CCDC88C: variants seen among roughly 807,000 people sequenced by gnomAD.
CCDC88C encodes protein Daple.
Under a neutral mutation model 198.8 loss-of-function variants are expected in CCDC88C, and 131 were observed. The observed-to-expected ratio is 0.66, with a 90% CI of 0.57 to 0.76. CCDC88C has a LOEUF of 0.76. Ranked by LOEUF, CCDC88C falls within the 30% of genes least tolerant of loss-of-function variation. The pLI, the probability that CCDC88C is intolerant of heterozygous loss-of-function variation, is 0.00. For missense variants in CCDC88C, 2,553 were observed against 2,631.6 expected (o/e 0.97, Z 0.65); for synonymous variants, 1,166 against 1,114.7 (o/e 1.05, Z -0.92).
intron 1 of CCDC88C, 33 bp downstream of exon 1, chr14:91,417,598 C>A: frequency 6.4e-7 from 1 of 1,571,200 alleles, no homozygotes; most frequent in Non-Finnish European, 8.6e-7. Flanking sequence ...AGCCGGTGCA[C>A]CAACAAAGGG....
chr14:91,339,741 TA>T lies in CCDC88C; in HGVS notation c.624+142del. 1 of 1,071,474 alleles carries T rather than the reference TA, an allele frequency of 9.3e-7. No homozygotes were observed. The highest frequency in any genetic ancestry group is 1.3e-6 in the Non-Finnish European group (1 of 767,634). 66.4% of individuals were successfully genotyped at this position (1,071,474 alleles called of 1,614,324 possible). On this transcript the variant is annotated intron_variant, in intron 7 of 29. Transcript: ENST00000389857. This position sits in a 1 kb window ranked among gnomAD's most constrained non-coding sequence, Gnocchi z 5.8. ...AGGTGACCATGCACTGCAGGGGCCG[TA>T]ACCAGGGAAAGCACGCACGTCCCAC...
chr14:91,389,099 C>T (rs967144429), intron 3 of CCDC88C, among the ~76,000 whole-genome samples: 1 of 152,204 alleles, frequency 6.6e-6, no homozygotes, highest in Non-Finnish European at 1.5e-5. Context: ...AGAGACACTC[C>T]TGTCCCCCAC....
At chr14:91,277,825 G>A (rs1233192818) in intron 29 of CCDC88C, 97 bp downstream of exon 29, 12 of 1,365,786 alleles carry the variant, frequency 8.8e-6, no homozygotes, top group Non-Finnish European at 1.2e-5. Flanking sequence ...CCTAGGCCAC[G>A]CCACCCCCAC....
At chr14:91,366,822 C>T (rs188574187) in intron 3 of CCDC88C, among the ~76,000 whole-genome samples, 86 of 152,288 alleles carry the variant, frequency 5.6e-4, no homozygotes, top group Non-Finnish European at 1.2e-4. Flanking sequence ...CTCAGAGGTC[C>T]CAGAAAAGGC....
At chr14:91,283,035 C>G in intron 26 of CCDC88C, among the ~76,000 whole-genome samples, 1 of 152,366 alleles carries the variant, frequency 6.6e-6, no homozygotes, top group South Asian at 2.1e-4. Flanking sequence ...GTTCTCAGCC[C>G]ACCTTCACCT....
chr14:91,416,713 T>G (rs1314664370), intron 2 of CCDC88C, 25 bp downstream of exon 2: 1 of 1,527,602 alleles, frequency 6.5e-7, no homozygotes, highest in Admixed American at 1.7e-5. Context: ...CATTCTTTCC[T>G]TCCTCCGAGA....
intron 18 of CCDC88C, 25 bp downstream of exon 18, chr14:91,307,013 A>C: frequency 6.3e-7 from 1 of 1,591,308 alleles, no homozygotes; most frequent in Non-Finnish European, 8.6e-7. Flanking sequence ...TCCCCGATGG[A>C]CCATGCCCAG....
intron 1 of CCDC88C, chr14:91,417,410 G>C (rs1486153200): frequency 1.2e-5 from 7 of 571,734 alleles, no homozygotes; most frequent in Non-Finnish European, 1.8e-5. Context: ...CGAAAGCGCG[G>C]CGGGGTCCCG....
intron 12 of CCDC88C, 67 bp downstream of exon 12, chr14:91,324,712 G>T (rs764872080): frequency 5.7e-5 from 90 of 1,580,164 alleles, no homozygotes; most frequent in Non-Finnish European, 7.6e-5. Flanking sequence ...CAGAGCCCAG[G>T]ACTCAGCTCC....
chr14:91,273,013 T>G lies in CCDC88C; in HGVS notation c.5699A>C (p.His1900Pro). Reference protein sequence around the residue: ...PPKEERLAPLHQSATAPAIAT... With the variant: ...PPKEERLAPLPQSATAPAIAT... The stretch of plus-strand genomic sequence containing the variant: ...AATGGCGGGGGCTGTGGCAGACTGA[T>G]GCAGGGGGGCCAGCCTCTCCTCCTT... Residue 1900 changes from histidine to proline, a missense_variant, in exon 30 of 30, where the codon CAT (histidine) becomes CCT (proline). His to Pro is a moderately conservative substitution (Grantham distance 77). Coordinates refer to ENST00000389857, the MANE Select transcript of CCDC88C (RefSeq NM_001080414.4). The surrounding 1 kb of genome is among the most constrained non-coding windows in gnomAD (Gnocchi z 5.6). The G allele has an allele frequency of 6.4e-7, 1 of 1,553,686 alleles. No homozygotes were observed. Among genetic ancestry groups the G allele is most frequent in the Non-Finnish European group, 8.7e-7 (1 of 1,154,644 alleles).
rs1889769001 is a variant in CCDC88C at position 91,272,318 on chromosome 14, C to A, written c.*307G>T. Reference sequence around the variant, plus strand: ...CTACTGGGACATACTGGAGTAGTGTCTGCTTTGGGGGAAGTCAGTTTGTCA... The same window carrying A: ...CTACTGGGACATACTGGAGTAGTGTATGCTTTGGGGGAAGTCAGTTTGTCA... On this transcript the variant is annotated 3_prime_UTR_variant, in exon 30 of 30. Transcript: ENST00000389857. 2.5e-6 allele frequency: 1 copy of A among 395,628 alleles called. No individual in the cohort carries two copies. The highest frequency in any genetic ancestry group is 4.6e-6 in the Non-Finnish European group (1 of 216,906). 24.5% of individuals were successfully genotyped at this position (395,628 alleles called of 1,614,324 possible). A position where few individuals can be genotyped will look rare whatever the true frequency, so the allele number is the denominator to read the frequency against.
intron 3 of CCDC88C, among the ~76,000 whole-genome samples, chr14:91,390,881 G>A (rs988011499): frequency 2.0e-5 from 3 of 152,138 alleles, no homozygotes; most frequent in East Asian, 1.9e-4. Flanking sequence ...ACATGGATTC[G>A]GTCCTCAGGC....
At chr14:91,295,397 G>A (rs937878574) in intron 22 of CCDC88C, among the ~76,000 whole-genome samples, 7 of 152,174 alleles carry the variant, frequency 4.6e-5, no homozygotes, top group African/African-American at 1.7e-4. Flanking sequence ...AGAACTGCAC[G>A]AGGCTTGGGA....
At chr14:91,293,473 T>C (rs61988373) in intron 23 of CCDC88C, among the ~76,000 whole-genome samples, 251 of 1,360 alleles carry the variant, frequency 0.18, 20 homozygotes, top group Middle Eastern at 0.5. Context: ...CATCCTCACC[T>C]GCCACAGCTC....
intron 19 of CCDC88C, 76 bp downstream of exon 19, chr14:91,305,689 C>T (rs2139785991): frequency 6.9e-7 from 1 of 1,444,128 alleles, no homozygotes; most frequent in East Asian, 2.3e-5. Flanking sequence ...GTCCTAATGC[C>T]CCCAGTTGGT....
Position 91,272,810 on chromosome 14 carries a change from C to A in CCDC88C, c.5902G>T (p.Val1968Phe), listed in dbSNP as rs1207756990. Reference protein sequence around the residue: ...AGLSLSEGDGVPGQGCSEGLP... With the variant: ...AGLSLSEGDGFPGQGCSEGLP... ...CCCTCACTGCAGCCCTGCCCCGGGA[C>A]CCCGTCTCCCTCTGAGAGGCTGAGC... Residue 1968 changes from valine to phenylalanine, a missense_variant, in exon 30 of 30, where the codon GTC becomes TTC. Physicochemically the swap from Val to Phe is conservative, Grantham distance 50 (BLOSUM62 -1). Around this residue, in one of 2 missense-constraint regions of CCDC88C, gnomAD observed 1,293 missense variants for 1,219.6 expected, o/e 1.06. Coordinates refer to ENST00000389857, the MANE Select transcript of CCDC88C (RefSeq NM_001080414.4). 2 of 1,597,924 alleles carry A rather than the reference C, an allele frequency of 1.3e-6. No homozygotes were observed. The highest frequency in any genetic ancestry group is 3.4e-5 in the Admixed American group (2 of 59,208).
chr14:91,404,045 G>A (rs758137516), intron 3 of CCDC88C, among the ~76,000 whole-genome samples: 3 of 152,258 alleles, frequency 2.0e-5, no homozygotes, highest in Non-Finnish European at 4.4e-5. Flanking sequence ...CTGAGGCAGC[G>A]TGGGGCTCTG....
chr14:91,345,188 A>ATT lies in CCDC88C; in HGVS notation c.341-1532_341-1531insAA, dbSNP rs1322674925. 2.5e-3 allele frequency among the ~76,000 whole-genome samples: 158 copies of ATT among 64,042 alleles called. 2 individuals carry two copies. The highest frequency in any genetic ancestry group is 6.3e-3 in the African/African-American group (104 of 16,586). The allele number at this position is 64,042 out of a possible 152,430, so 42.0% of individuals were successfully genotyped here. ...AATTTATATATATATATATATATAT[A>ATT]TATTTTTTTTTTTTTTTTTTTTGAG... On this transcript the variant is annotated intron_variant, in intron 4 of 29. Transcript: ENST00000389857.
At chr14:91,330,835 T>C (rs962086234) in intron 10 of CCDC88C, among the ~76,000 whole-genome samples, 1 of 152,068 alleles carries the variant, frequency 6.6e-6, no homozygotes, top group Admixed American at 6.5e-5. Flanking sequence ...GATTAAGATC[T>C]GGGACTCGAG....
Sources: allele counts gnomAD v4.1 joint callset (sites outside exome capture counted in the v4.1 genomes callset), GRCh38; gene constraint gnomAD v4.1.1; regional missense constraint gnomAD v4.1.1; non-coding constraint Gnocchi (gnomAD v3.1); transcripts MANE v1.5; gene names NCBI Gene and HGNC (gene_info 2026-07-23, HGNC 2026-07-21).